Variants in CREB5 observed in about 807,000 individuals in gnomAD.
CREB5 encodes the protein cyclic AMP-responsive element-binding protein 5.
In CREB5, 19 loss-of-function variants were observed where a neutral mutation model predicts 57.1. That is an observed-to-expected ratio of 0.33 (90% CI 0.23 to 0.49). The LOEUF is 0.49. CREB5 is among the 20% of genes least tolerant of loss of function. The pLI is 0.99. For missense variants in CREB5, 579 were observed against 671.6 expected (o/e 0.86, Z 1.52); for synonymous variants, 238 against 238.3 (o/e 1.00, Z 0.01).
At chr7:28,507,484 G>A (rs930069423) in intron 3 of CREB5, 132 bp from the exon 4 acceptor site, 1 of 1,047,074 alleles carries the variant, frequency 9.6e-7, no homozygotes, top group Admixed American at 2.5e-5. Context: ...GTTATTTAAA[G>A]GGCCAAGAGA....
chr7:28,440,236 T>C (rs1485644898), intron 1 of CREB5, among the ~76,000 whole-genome samples: 1 of 152,200 alleles, frequency 6.6e-6, no homozygotes, highest in Non-Finnish European at 1.5e-5. Flanking sequence ...TATTTAAGTA[T>C]AGGTTTGGTG....
At chr7:28,398,321 T>A (rs1437566260) in intron 1 of CREB5, among the ~76,000 whole-genome samples, 1 of 152,166 alleles carries the variant, frequency 6.6e-6, no homozygotes, top group Non-Finnish European at 1.5e-5. Flanking sequence ...AGTTCCAGAA[T>A]AATGGAGGCT....
chr7:28,341,664 G>A (rs6971345), intron 1 of CREB5, among the ~76,000 whole-genome samples: 105,366 of 152,148 alleles, frequency 0.69, 37,384 homozygotes, highest in Non-Finnish European at 0.77. Flanking sequence ...GATGTGCAAC[G>A]TAAGATGTAC....
At chr7:28,359,001 T>C (rs1025882699) in intron 1 of CREB5, among the ~76,000 whole-genome samples, 5 of 152,210 alleles carry the variant, frequency 3.3e-5, no homozygotes, top group Non-Finnish European at 7.3e-5. Flanking sequence ...TTTCTGACTT[T>C]TTACTTCTTT....
rs190705786 is a variant in CREB5 at position 28,745,933 on chromosome 7, T to G, written c.702+21601T>G. The stretch of plus-strand genomic sequence containing the variant: ...CCTGCTTTTGCCTAAGAACACGCAC[T>G]TCCTCCAAGAACCTGCTCAAGCCCT... On this transcript the variant is annotated intron_variant, in intron 7 of 10. Coordinates refer to ENST00000357727, the MANE Select transcript of CREB5 (RefSeq NM_182898.4). Among the ~76,000 whole-genome samples the G allele has an allele frequency of 3.0e-3, 461 of 152,308 alleles. 2 individuals carry two copies. The highest frequency in any genetic ancestry group is 0.011 in the African/African-American group (446 of 41,578).
chr7:28,428,659 G>A (rs1319087570), intron 1 of CREB5, among the ~76,000 whole-genome samples: 1 of 152,188 alleles, frequency 6.6e-6, no homozygotes, highest in Non-Finnish European at 1.5e-5. Flanking sequence ...TGGGAGACCA[G>A]GAGTTCAGTT....
At chr7:28,754,289 C>T (rs546754838) in intron 7 of CREB5, among the ~76,000 whole-genome samples, 46 of 152,354 alleles carry the variant, frequency 3.0e-4, no homozygotes, top group Admixed American at 3.9e-4. Flanking sequence ...TTGTGCCGGG[C>T]TGCAGCCCCA....
At chr7:28,373,705 T>C (rs1356549081) in intron 1 of CREB5, among the ~76,000 whole-genome samples, 1 of 151,976 alleles carries the variant, frequency 6.6e-6, no homozygotes, top group Non-Finnish European at 1.5e-5. Flanking sequence ...GGATTACAGG[T>C]GTGAACCACC....
At chr7:28,573,670 T>C (rs1184878079) in intron 5 of CREB5, among the ~76,000 whole-genome samples, 1 of 152,178 alleles carries the variant, frequency 6.6e-6, no homozygotes, top group Non-Finnish European at 1.5e-5. Context: ...AATTTAAGCT[T>C]GGAGGCTTGA....
chr7:28,438,400 T>A (rs1454292251), intron 1 of CREB5, among the ~76,000 whole-genome samples: 1 of 152,106 alleles, frequency 6.6e-6, no homozygotes, highest in Non-Finnish European at 1.5e-5. Flanking sequence ...GGGCTAGAGA[T>A]CACTGATCCC....
intron 9 of CREB5, among the ~76,000 whole-genome samples, chr7:28,810,228 GAAA>G (rs970396652): frequency 7.2e-6 from 1 of 139,694 alleles, no homozygotes; most frequent in African/African-American, 2.6e-5. Flanking sequence ...TTTATCAGCA[GAAA>G]AAAAAAAAGG....
intron 5 of CREB5, among the ~76,000 whole-genome samples, chr7:28,683,692 G>A (rs921688262): frequency 2.6e-5 from 4 of 152,098 alleles, no homozygotes; most frequent in Non-Finnish European, 4.4e-5. Context: ...ATCCGTGCCC[G>A]GCATTGGCTG....
intron 4 of CREB5, among the ~76,000 whole-genome samples, chr7:28,543,233 AAT>A (rs1794276011): frequency 6.6e-6 from 1 of 152,182 alleles, no homozygotes; most frequent in African/African-American, 2.4e-5. Context: ...GAAGGCATAA[AAT>A]GAAAAGTAAA....
chr7:28,406,676 C>A (rs1485549705), intron 1 of CREB5, among the ~76,000 whole-genome samples: 1 of 152,220 alleles, frequency 6.6e-6, no homozygotes, highest in East Asian at 1.9e-4. Context: ...AGTGGAGGCA[C>A]CCTTAGAGAT....
intron 5 of CREB5, among the ~76,000 whole-genome samples, chr7:28,667,422 A>G (rs1356171447): frequency 6.6e-6 from 1 of 151,874 alleles, no homozygotes; most frequent in Admixed American, 6.6e-5. Flanking sequence ...TTTTGGAATA[A>G]AAAGCACTTG....
At chr7:28,752,515 G>A (rs1220474342) in intron 7 of CREB5, among the ~76,000 whole-genome samples, 2 of 152,124 alleles carry the variant, frequency 1.3e-5, no homozygotes, top group East Asian at 1.9e-4. Context: ...TGAGACAAGC[G>A]AACACCCTAC....
intron 1 of CREB5, among the ~76,000 whole-genome samples, chr7:28,354,388 A>T (rs1344365455): frequency 3.3e-5 from 5 of 152,136 alleles, no homozygotes; most frequent in African/African-American, 7.2e-5. Flanking sequence ...CTAGCCTCCC[A>T]GCCTATGTCT....
At chr7:28,353,438 GT>G (rs1359710265) in intron 1 of CREB5, among the ~76,000 whole-genome samples, 1 of 152,184 alleles carries the variant, frequency 6.6e-6, no homozygotes, top group Non-Finnish European at 1.5e-5. Flanking sequence ...TCAGAAATGA[GT>G]TACATTATCT....
intron 1 of CREB5, among the ~76,000 whole-genome samples, chr7:28,404,137 C>G (rs773794595): frequency 6.6e-6 from 1 of 152,170 alleles, no homozygotes. Flanking sequence ...CACGTTCTGC[C>G]AACTCTCTGC....
Sources: gnomAD v4.1 joint callset for allele counts (sites outside exome capture counted in the v4.1 genomes callset) on GRCh38, gnomAD v4.1.1 for gene constraint, MANE v1.5 for transcripts, NCBI Gene and HGNC (gene_info 2026-07-23, HGNC 2026-07-21) for gene names.